Variants in TCAIM observed in about 807,000 individuals in gnomAD.
The protein encoded by TCAIM is T-cell activation inhibitor, mitochondrial.
TCAIM carries 36 observed loss-of-function variants against 58.6 expected under a neutral mutation model. That is an observed-to-expected ratio of 0.61 (90% CI 0.47 to 0.81). The LOEUF (loss-of-function observed/expected upper bound fraction) is 0.81, where lower values mean the gene tolerates loss of function less well. TCAIM is among the 30% of genes least tolerant of loss of function. The probability of loss-of-function intolerance (pLI) is 0.00; values close to 1 mark genes in which losing one functional copy is unlikely to be tolerated. For missense variants in TCAIM, 466 were observed against 579.6 expected (o/e 0.80, Z 2.01); for synonymous variants, 172 against 193.6 (o/e 0.89, Z 0.93).
intron 8 of TCAIM, among the ~76,000 whole-genome samples, chr3:44,399,201 G>T (rs1701985419): frequency 6.6e-6 from 1 of 152,134 alleles, no homozygotes; most frequent in Non-Finnish European, 1.5e-5. Flanking sequence ...TTGTATCAAT[G>T]TCAATTTCCT....
At chr3:44,395,504 A>C (rs1341941524) in intron 6 of TCAIM, among the ~76,000 whole-genome samples, 1 of 152,180 alleles carries the variant, frequency 6.6e-6, no homozygotes, top group East Asian at 1.9e-4. Context: ...AGAGCTAGTA[A>C]ACCACAGAAT....
chr3:44,358,152 G>A, intron 3 of TCAIM: 10 of 1,520,912 alleles, frequency 6.6e-6, no homozygotes, highest in Non-Finnish European at 8.7e-6. Flanking sequence ...TACAGTTGAG[G>A]GTTTGAAAGA....
intron 3 of TCAIM, chr3:44,358,728 A>G (rs1701245461): frequency 4.1e-6 from 4 of 986,126 alleles, no homozygotes; most frequent in Non-Finnish European, 4.8e-6. Context: ...AGGGACTGCT[A>G]TGTATTACAA....
chr3:44,384,619 G>A (rs1443753588), intron 5 of TCAIM, among the ~76,000 whole-genome samples: 1 of 152,208 alleles, frequency 6.6e-6, no homozygotes, highest in South Asian at 2.1e-4. Flanking sequence ...AGTAAATCTA[G>A]CTCTTGGCTT....
chr3:44,384,317 C>A (rs923026275), intron 5 of TCAIM, among the ~76,000 whole-genome samples: 1 of 152,126 alleles, frequency 6.6e-6, no homozygotes, highest in African/African-American at 2.4e-5. Flanking sequence ...ACAAGGTAAC[C>A]GTGTGTTTCC....
intron 6 of TCAIM, among the ~76,000 whole-genome samples, chr3:44,393,839 T>C (rs1486365509): frequency 6.6e-6 from 1 of 152,344 alleles, no homozygotes; most frequent in African/African-American, 2.4e-5. Flanking sequence ...GGATGTTGTA[T>C]TCTTGGTTTT....
chr3:44,361,344 GCCC>G lies in TCAIM; in HGVS notation c.166-20_166-18del. On this transcript the variant is annotated intron_variant, in intron 3 of 10. Transcript: ENST00000342649. ...TCCTTGTTCTATTTTGTATGTAAAT[GCCC>G]TTAATGTTTTTTTCCAGGAAATCAA... 1.9e-6 allele frequency: 3 copies of G among 1,578,232 alleles called. No homozygotes were observed. Among genetic ancestry groups the G allele is most frequent in the Non-Finnish European group, 2.6e-6 (3 of 1,163,894 alleles).
intron 4 of TCAIM, among the ~76,000 whole-genome samples, chr3:44,363,869 G>C (rs1446991679): frequency 6.7e-6 from 1 of 150,018 alleles, no homozygotes; most frequent in East Asian, 2.0e-4. Flanking sequence ...AATCACTTGA[G>C]CCCAGGAGTT....
At chr3:44,339,900 A>G (rs1014004084) in intron 1 of TCAIM, 1 of 152,156 alleles carries the variant, frequency 6.6e-6, no homozygotes, top group East Asian at 1.9e-4. Flanking sequence ...TCTAGTCCCA[A>G]TGCTTTACGC....
chr3:44,344,522 G>C (rs1381796477), intron 1 of TCAIM, among the ~76,000 whole-genome samples: 1 of 152,152 alleles, frequency 6.6e-6, no homozygotes. Context: ...TTGTTGTCTT[G>C]CTATAACTTC....
chr3:44,343,853 A>G (rs762486663), intron 1 of TCAIM, among the ~76,000 whole-genome samples: 19 of 152,106 alleles, frequency 1.2e-4, no homozygotes, highest in African/African-American at 1.4e-4. Flanking sequence ...GAGAAAATCT[A>G]TTGTCACATT....
At chr3:44,378,704 A>G (rs1037313103) in intron 5 of TCAIM, among the ~76,000 whole-genome samples, 10 of 151,820 alleles carry the variant, frequency 6.6e-5, no homozygotes, top group African/African-American at 2.2e-4. Flanking sequence ...TCAGCTATTC[A>G]GGAGGCTGAG....
Position 44,385,582 on chromosome 3 carries a change from A to C in TCAIM, c.573-7273A>C, listed in dbSNP as rs555690978. ...TGGTGAAACACTGTCTCTACTAAAA[A>C]TACAAAAAAAATTAGCCGGGAGTGG... On this transcript the variant is annotated intron_variant, in intron 5 of 10. Coordinates refer to ENST00000342649, the MANE Select transcript of TCAIM (RefSeq NM_173826.4). Among the ~76,000 whole-genome samples, 206 of 152,256 alleles carry C rather than the reference A, an allele frequency of 1.4e-3. 2 individuals carry two copies. The highest frequency in any genetic ancestry group is 3.7e-3 in the Admixed American group (56 of 15,294).
intron 4 of TCAIM, chr3:44,362,468 T>C (rs1052807654): frequency 3.7e-5 from 15 of 400,820 alleles, no homozygotes; most frequent in Non-Finnish European, 6.2e-5. Context: ...TGCTGAAGTA[T>C]GTTGAAGACA....
At chr3:44,385,615 C>T (rs961215656) in intron 5 of TCAIM, among the ~76,000 whole-genome samples, 9 of 152,052 alleles carry the variant, frequency 5.9e-5, no homozygotes, top group Non-Finnish European at 8.8e-5. Context: ...TGGTGGCACA[C>T]GCCTGTAGTC....
intron 5 of TCAIM, among the ~76,000 whole-genome samples, chr3:44,386,238 T>C (rs964817395): frequency 6.6e-6 from 1 of 150,472 alleles, no homozygotes; most frequent in Non-Finnish European, 1.5e-5. Flanking sequence ...AAAAACACTT[T>C]AAAATTAGCC....
intron 5 of TCAIM, among the ~76,000 whole-genome samples, chr3:44,374,367 C>T (rs909836355): frequency 2.0e-5 from 3 of 150,360 alleles, no homozygotes; most frequent in Non-Finnish European, 4.4e-5. Flanking sequence ...CAAAATACTT[C>T]GTTTAGTTAC....
In TCAIM at chr3:44,401,220, G is replaced by A; in HGVS notation, c.1136G>A (p.Ser379Asn). 6.2e-7 allele frequency: 1 copy of A among 1,613,992 alleles called. No homozygotes were observed. The highest frequency in any genetic ancestry group is 8.5e-7 in the Non-Finnish European group (1 of 1,179,948). The change falls in exon 10 of 11, where the codon AGC (serine) becomes AAC (asparagine). Residue 379 changes from serine (S) to asparagine (N), a missense_variant. Coordinates refer to ENST00000342649, the MANE Select transcript of TCAIM (RefSeq NM_173826.4). ...TATTGCAGTGACAGATATGCTCCAA[G>A]CTTGCATGAACTCGGGCATTTTAAT... is the stretch of plus-strand genomic sequence containing the variant. ...MILNSDRYAPSLHELGHFNIP... is the reference protein window; with the variant it reads ...MILNSDRYAPNLHELGHFNIP...
intron 5 of TCAIM, among the ~76,000 whole-genome samples, chr3:44,373,318 T>G (rs1350511525): frequency 2.6e-5 from 4 of 152,174 alleles, no homozygotes; most frequent in African/African-American, 7.2e-5. Flanking sequence ...CTCAGCAGAT[T>G]GTGTTTTATC....
Sources: gnomAD v4.1 joint callset for allele counts (sites outside exome capture counted in the v4.1 genomes callset) on GRCh38, gnomAD v4.1.1 for gene constraint, MANE v1.5 for transcripts, NCBI Gene and HGNC (gene_info 2026-07-23, HGNC 2026-07-21) for gene names.